DNM3: variants seen among roughly 807,000 people sequenced by gnomAD.
DNM3 encodes dynamin-3.
DNM3 carries 47 observed loss-of-function variants against 101.6 expected under a neutral mutation model. The ratio of observed to expected loss-of-function variants is 0.46; its 90% CI spans 0.37 to 0.59. The LOEUF is 0.59. Among genes scored for constraint, DNM3 ranks in the 20% least tolerant of loss-of-function variants. The pLI, the probability that DNM3 is intolerant of heterozygous loss-of-function variation, is 0.00. For missense variants in DNM3, 849 were observed against 1,085.7 expected, an observed-to-expected ratio of 0.78 and a Z score of 3.06; for synonymous variants, 385 against 387.9, an observed-to-expected ratio of 0.99 and a Z score of 0.09.
At position 172,056,006 on chromosome 1, in the gene DNM3, A is replaced by G. The variant is rs146098708; in HGVS notation, c.1335+7256A>G. Among the ~76,000 whole-genome samples, 438 of 152,334 alleles carry G rather than the reference A, an allele frequency of 2.9e-3. 3 individuals are homozygous for G. The highest frequency in any genetic ancestry group is 0.01 in the African/African-American group (420 of 41,570). On this transcript the variant is annotated intron_variant, in intron 10 of 20. Coordinates refer to ENST00000627582, the MANE Select transcript of DNM3 (RefSeq NM_015569.5). ...GCGTGCACCGTGCACGAGCCGAAGC[A>G]GGGTGAAGCATTGCCTCACTCCGGA...
chr1:171,983,930 C>G (rs1477135277), intron 2 of DNM3, among the ~76,000 whole-genome samples: 4 of 152,074 alleles, frequency 2.6e-5, no homozygotes, highest in African/African-American at 7.2e-5. Flanking sequence ...TAGGTCCCAA[C>G]CCACATCCCA....
intron 17 of DNM3, among the ~76,000 whole-genome samples, chr1:172,351,155 C>A (rs988797169): frequency 6.6e-6 from 1 of 152,102 alleles, no homozygotes; most frequent in African/African-American, 2.4e-5. Context: ...CATCTATATT[C>A]TCTTGGTTTC....
At chr1:171,979,257 C>T (rs1440321693) in intron 2 of DNM3, among the ~76,000 whole-genome samples, 1 of 152,090 alleles carries the variant, frequency 6.6e-6, no homozygotes, top group Non-Finnish European at 1.5e-5. Flanking sequence ...TGGCCAAGTG[C>T]TCAGAATGCT....
intron 1 of DNM3, among the ~76,000 whole-genome samples, chr1:171,895,511 TA>T (rs1431493614): frequency 3.3e-5 from 5 of 152,148 alleles, no homozygotes. Flanking sequence ...TAAATTTGTT[TA>T]AGTTCTTTGT....
intron 1 of DNM3, among the ~76,000 whole-genome samples, chr1:171,883,392 CACACACACACACACACACACACCCT>C (rs1558209619): frequency 1.4e-4 from 17 of 118,582 alleles, no homozygotes; most frequent in South Asian, 7.8e-4. Flanking sequence ...CACACACACA[CACACACACACACACACACACACCCT>C]GTCAGAATGA....
chr1:172,051,956 C>T (rs535562245), intron 10 of DNM3, among the ~76,000 whole-genome samples: 1 of 152,132 alleles, frequency 6.6e-6, no homozygotes, highest in Non-Finnish European at 1.5e-5. Context: ...TGAACTGGTG[C>T]CCCAATATAT....
chr1:171,932,930 G>T (rs1367907044), intron 2 of DNM3, among the ~76,000 whole-genome samples: 1 of 152,166 alleles, frequency 6.6e-6, no homozygotes. Context: ...CTTCAAGAAG[G>T]CCTAACGTGC....
At chr1:172,291,452 T>A (rs1051852584) in intron 15 of DNM3, among the ~76,000 whole-genome samples, 1 of 152,206 alleles carries the variant, frequency 6.6e-6, no homozygotes, top group African/African-American at 2.4e-5. Flanking sequence ...AGGTTTGGCC[T>A]TCCATTATAC....
chr1:172,414,611 T>C (rs1001049689), downstream of DNM3, among the ~76,000 whole-genome samples: 4 of 152,152 alleles, frequency 2.6e-5, no homozygotes, highest in African/African-American at 9.7e-5. Context: ...AGACATTGAG[T>C]GTGATTTCCT....
At chr1:172,194,834 T>C (rs2059888672) in intron 14 of DNM3, among the ~76,000 whole-genome samples, 1 of 152,156 alleles carries the variant, frequency 6.6e-6, no homozygotes, top group Non-Finnish European at 1.5e-5. Context: ...GTCTTTGTCT[T>C]TTAATTGGAG....
chr1:172,300,466 ACC>A (rs2064391065), intron 15 of DNM3, among the ~76,000 whole-genome samples: 1 of 152,098 alleles, frequency 6.6e-6, no homozygotes, highest in East Asian at 1.9e-4. Context: ...TCTTGCCAAG[ACC>A]AATTCCAGGA....
intron 1 of DNM3, among the ~76,000 whole-genome samples, chr1:171,918,131 T>G (rs185008715): frequency 6.6e-4 from 101 of 152,312 alleles, no homozygotes; most frequent in Admixed American, 5.9e-3. Flanking sequence ...TAAAATATTG[T>G]ATGTAGGCAC....
chr1:172,144,604 T>C (rs1389827539), intron 14 of DNM3: 1 of 533,770 alleles, frequency 1.9e-6, no homozygotes, highest in South Asian at 1.4e-5. Context: ...ACAGGTAGTC[T>C]GAACACTGGG....
chr1:172,170,100 A>T (rs950932280), intron 14 of DNM3, among the ~76,000 whole-genome samples: 1 of 151,928 alleles, frequency 6.6e-6, no homozygotes, highest in Non-Finnish European at 1.5e-5. Flanking sequence ...TTCAGCAGGG[A>T]AGGATTAGGC....
At chr1:171,930,347 G>C (rs1332550448) in intron 2 of DNM3, among the ~76,000 whole-genome samples, 3 of 152,152 alleles carry the variant, frequency 2.0e-5, no homozygotes, top group Admixed American at 2.0e-4. Flanking sequence ...GGGGCCTGCA[G>C]ACAGTCACTT....
rs559681259 is a variant in DNM3 at position 172,363,327 on chromosome 1, A to C, written c.1894-15691A>C. ...TATGTCCTTTGCATCTACAAAATTT[A>C]CTAAAAAATAAACTCATTTTTTCCA... On this transcript the variant is annotated intron_variant, in intron 17 of 20. Transcript: ENST00000627582. Among the ~76,000 whole-genome samples the C allele has an allele frequency of 5.9e-4, 89 of 152,024 alleles. 1 individual carries two copies. The highest frequency in any genetic ancestry group is 2.1e-3 in the African/African-American group (87 of 41,514).
chr1:171,988,340 GC>G (rs1283462343), intron 3 of DNM3, among the ~76,000 whole-genome samples: 2 of 152,002 alleles, frequency 1.3e-5, no homozygotes, highest in Non-Finnish European at 2.9e-5. Flanking sequence ...TAGCTCTATT[GC>G]TTTTAAAACA....
intron 13 of DNM3, among the ~76,000 whole-genome samples, chr1:172,108,865 G>A (rs1418418489): frequency 6.6e-6 from 1 of 152,150 alleles, no homozygotes; most frequent in Non-Finnish European, 1.5e-5. Flanking sequence ...GGCCCCTGTG[G>A]GCAGATTATT....
At chr1:172,178,824 A>T (rs2059245234) in intron 14 of DNM3, among the ~76,000 whole-genome samples, 1 of 152,000 alleles carries the variant, frequency 6.6e-6, no homozygotes, top group Non-Finnish European at 1.5e-5. Context: ...TGGTAAAGAC[A>T]GAAGCTAGAT....
Sources: allele counts gnomAD v4.1 joint callset (sites outside exome capture counted in the v4.1 genomes callset), GRCh38; gene constraint gnomAD v4.1.1; transcripts MANE v1.5; gene names NCBI Gene and HGNC (gene_info 2026-07-23, HGNC 2026-07-21).